The following APEX2 variants were observed in gnomAD, a reference collection of about 807,000 sequenced individuals.
APEX2 encodes apurinic/apyrimidinic endodeoxyribonuclease 2, also known as DNA-(apurinic or apyrimidinic site) endonuclease 2.
Under a neutral mutation model 16.7 loss-of-function variants are expected in APEX2, and 4 were observed. The observed-to-expected ratio is 0.24, with a 90% CI of 0.12 to 0.55. The LOEUF is 0.55. APEX2 is among the 20% of genes least tolerant of loss of function. The probability of loss-of-function intolerance (pLI) is 0.94; values close to 1 mark genes in which losing one functional copy is unlikely to be tolerated. For synonymous variants in APEX2, 181 were observed against 166.9 expected (o/e 1.08, Z -0.65); for missense variants, 357 against 433.6 (o/e 0.82, Z 1.57).
intron 4 of APEX2, among the ~76,000 whole-genome samples, chrX:55,003,396 A>G (rs1175042877): frequency 3.6e-5 from 4 of 112,542 alleles, no homozygotes; most frequent in African/African-American, 1.3e-4. Flanking sequence ...CCTACACAAT[A>G]GTTTTAAGGG....
Position 55,000,665 on chromosome X carries a change from A to G in APEX2, c.157+86A>G, listed in dbSNP as rs1054628637. ...CTGTCCCATGTAATTTTACTTTCCCAGTTTCCTATTCTTAGAGTCCTGTCC... is the reference window on the plus strand; with the variant it reads ...CTGTCCCATGTAATTTTACTTTCCCGGTTTCCTATTCTTAGAGTCCTGTCC... On this transcript the variant is annotated intron_variant, in intron 1 of 5. Transcript: ENST00000374987. The G allele has an allele frequency of 2.5e-5, 26 of 1,043,635 alleles. No homozygotes were observed. The African/African-American group carries it at 4.4e-4, about 18-fold the overall frequency. The allele number at this position is 1,043,635 out of a possible 1,213,427, so 86.0% of individuals were successfully genotyped here. A position where few individuals can be genotyped will look rare whatever the true frequency, so the allele number is the denominator to read the frequency against.
intron 3 of APEX2, 93 bp downstream of exon 3, chrX:55,002,524 C>T (rs751490697): frequency 2.3e-5 from 23 of 1,012,169 alleles, no homozygotes; most frequent in East Asian, 6.5e-5. Context: ...ATACATGCAC[C>T]GTGGAGAAGT....
At position 55,008,449 on chromosome X, in the gene APEX2, TA is replaced by T. The variant is rs1423568584; in HGVS notation, c.*1016del. ...AACTGGGCGTGGTGGCGCGTGCCTGTAATCCAAGCTACTTAGGAGGCTGAGA... is the reference window on the plus strand; with the variant it reads ...AACTGGGCGTGGTGGCGCGTGCCTGTATCCAAGCTACTTAGGAGGCTGAGA... On this transcript the variant is annotated 3_prime_UTR_variant, in exon 6 of 6. Transcript: ENST00000374987. The T allele has an allele frequency of 9.0e-6, 1 of 110,630 alleles. No homozygotes were observed. Among genetic ancestry groups the T allele is most frequent in the Non-Finnish European group, 1.9e-5 (1 of 52,958 alleles). 9.1% of individuals were successfully genotyped at this position (110,630 alleles called of 1,213,427 possible). A position where few individuals can be genotyped will look rare whatever the true frequency, so the allele number is the denominator to read the frequency against.
In APEX2 at chrX:55,001,531, AT is replaced by A. The variant is rs375803683; in HGVS notation, c.158-5del. On this transcript the variant is annotated splice_polypyrimidine_tract_variant and intron_variant, in intron 1 of 5. Coordinates refer to ENST00000374987, the MANE Select transcript of APEX2 (RefSeq NM_014481.4). ...AGTTTTACCTCTGACTTAATCTTAC[AT>A]TTTTTTTTTCCAGGGGATGCACTGA... 15,984 of 1,042,210 alleles carry A rather than the reference AT, an allele frequency of 0.015. 1,186 individuals are homozygous for A. In the African/African-American group the frequency reaches 0.24, roughly 16 times the overall value. The allele number at this position is 1,042,210 out of a possible 1,213,427, so 85.9% of individuals were successfully genotyped here.
chrX:55,002,572 C>A, intron 3 of APEX2, 141 bp downstream of exon 3: 1 of 748,474 alleles, frequency 1.3e-6, no homozygotes, highest in Non-Finnish European at 1.9e-6. Flanking sequence ...CCTGGCTGGG[C>A]TACTCAGTGT....
rs192095201 is a variant in APEX2 at position 55,003,124 on chromosome X, G to A, written c.569+16G>A. ...CGGCAGGCAGGTACTGCAAGCCTGG[G>A]CAGTAAGGCTTCCTTGAGTTGGTCC... On this transcript the variant is annotated intron_variant, in intron 4 of 5. Transcript: ENST00000374987. The A allele has an allele frequency of 1.7e-5, 21 of 1,207,993 alleles. No individual in the cohort carries two copies. The East Asian group carries it at 6.2e-4, about 36-fold the overall frequency.
rs777232963 is a variant in APEX2 at position 55,003,089 on chromosome X, G to A, written c.550G>A (p.Ala184Thr). The A allele has an allele frequency of 8.3e-7, 1 of 1,211,126 alleles. No individual in the cohort carries two copies. Among genetic ancestry groups the A allele is most frequent in the East Asian group, 3.0e-5 (1 of 33,808 alleles). ...FYRLLQIRAE[A>T]LLAAGSHVII... ...TCGTTTGCTGCAAATCCGAGCAGAA[G>A]CCCTCCTGGCGGCAGGCAGGTACTG... Residue 184 changes from alanine (A) to threonine (T), a missense_variant, in exon 4 of 6, where the codon GCC (alanine) becomes ACC (threonine). Ala to Thr is a moderately conservative substitution (Grantham distance 58, BLOSUM62 0). Coordinates refer to ENST00000374987, the MANE Select transcript of APEX2 (RefSeq NM_014481.4).
At chrX:55,001,803 T>C (rs1344847133) in intron 2 of APEX2, among the ~76,000 whole-genome samples, 174 bp downstream of exon 2, 1 of 112,160 alleles carries the variant, frequency 8.9e-6, no homozygotes, top group East Asian at 2.8e-4. Flanking sequence ...ATTATCCTAC[T>C]GGACCTCAGA....
intron 5 of APEX2, 32 bp downstream of exon 5, chrX:55,003,900 C>T: frequency 8.4e-7 from 1 of 1,183,704 alleles, no homozygotes. Flanking sequence ...TGGCCCCACT[C>T]CTGACTGATT....
rs1196673465 is a variant in APEX2 at position 55,002,353 on chromosome X, A to T, written c.344A>T (p.Asn115Ile). The change falls in exon 3 of 6, where the codon AAC becomes ATC. Residue 115 changes from asparagine to isoleucine, a missense_variant. Physicochemically the swap from Asn to Ile is moderately radical, Grantham distance 149. Coordinates refer to ENST00000374987, the MANE Select transcript of APEX2 (RefSeq NM_014481.4). ...TQNGDVGCYG[N>I]MDEFTQEELR... ...AATGGGGATGTTGGTTGCTATGGAA[A>T]CATGGATGAGTTTACCCAAGAGGAA... The T allele has an allele frequency of 1.7e-6, 2 of 1,211,527 alleles. No homozygotes were observed. Among genetic ancestry groups the T allele is most frequent in the African/African-American group, 3.5e-5 (2 of 57,894 alleles).
In APEX2 at chrX:55,007,169, G is replaced by T. The variant is rs1278576149; in HGVS notation, c.1291G>T (p.Ala431Ser). 1.6e-6 allele frequency: 2 copies of T among 1,212,125 alleles called. No homozygotes were observed. Among genetic ancestry groups the T allele is most frequent in the Non-Finnish European group, 2.2e-6 (2 of 895,606 alleles). ...LMTPKTPEEK[A>S]VAKVVKGQAK... The stretch of plus-strand genomic sequence containing the variant: ...GACCCCGAAGACTCCAGAAGAGAAG[G>T]CAGTGGCCAAAGTGGTGAAGGGGCA... Residue 431 changes from alanine (A) to serine (S), a missense_variant, in exon 6 of 6, where the codon GCA becomes TCA. By Grantham distance (99) the Ala-to-Ser change is moderately conservative. Coordinates refer to ENST00000374987, the MANE Select transcript of APEX2 (RefSeq NM_014481.4).
In APEX2 at chrX:55,008,671, T is replaced by G. The variant is rs779626885; in HGVS notation, c.*1236T>G. ...GATAATGGATTGAGGAAGACATCCATATCCCCTTATGGAAAATACCTCTTT... is the reference window on the plus strand; with the variant it reads ...GATAATGGATTGAGGAAGACATCCAGATCCCCTTATGGAAAATACCTCTTT... On this transcript the variant is annotated 3_prime_UTR_variant, in exon 6 of 6. Transcript: ENST00000374987. 1.1e-3 allele frequency: 129 copies of G among 114,864 alleles called. No homozygotes were observed. Among genetic ancestry groups the G allele is most frequent in the Admixed American group, 1.5e-3 (17 of 11,041 alleles). The allele number at this position is 114,864 out of a possible 1,213,427, so 9.5% of individuals were successfully genotyped here.
At position 55,007,598 on chromosome X, in the gene APEX2, G is replaced by T; in HGVS notation, c.*163G>T. On this transcript the variant is annotated 3_prime_UTR_variant, in exon 6 of 6. Transcript: ENST00000374987. ...CGCTTTCCTTCCTACCTAGCTCCTT[G>T]TTGGTGAGCTTCTTGTGCCTTAATC... 1 of 567,473 alleles carries T rather than the reference G, an allele frequency of 1.8e-6. No individual in the cohort carries two copies. Among genetic ancestry groups the T allele is most frequent in the Non-Finnish European group, 2.6e-6 (1 of 384,177 alleles). 46.8% of individuals were successfully genotyped at this position (567,473 alleles called of 1,213,427 possible). A position where few individuals can be genotyped will look rare whatever the true frequency, so the allele number is the denominator to read the frequency against.
At position 55,002,973 on chromosome X, in the gene APEX2, G is replaced by T. The variant is rs147394629; in HGVS notation, c.434G>T (p.Gly145Val). ...TCTCTTTTCTCCAGCACATGGGAAG[G>T]TAAGGAGAAGACCTTGACCCTAATC... ...LTQHKIRTWE[G>V]KEKTLTLINV... The change falls in exon 4 of 6, where the codon GGT (glycine) becomes GTT (valine). Residue 145 changes from glycine (G) to valine (V), a missense_variant. Coordinates refer to ENST00000374987, the MANE Select transcript of APEX2 (RefSeq NM_014481.4). 80 of 1,208,446 alleles carry T rather than the reference G, an allele frequency of 6.6e-5. No homozygotes were observed. Among genetic ancestry groups the T allele is most frequent in the Non-Finnish European group, 8.6e-5 (77 of 894,201 alleles).
chrX:55,001,468 A>C, intron 1 of APEX2, 78 bp from the exon 2 acceptor site: 2 of 805,871 alleles, frequency 2.5e-6, no homozygotes, highest in Non-Finnish European at 3.6e-6. Context: ...GAATTAGCCT[A>C]CAACTGTAAT....
Position 55,007,267 on chromosome X carries a change from C to G in APEX2, c.1389C>G (p.Pro463=), listed in dbSNP as rs760980740. The G allele has an allele frequency of 5.4e-5, 65 of 1,212,144 alleles. No individual in the cohort carries two copies. The highest frequency in any genetic ancestry group is 6.9e-5 in the Non-Finnish European group (62 of 895,552). ...TSFWKSVLAG[P]LRTPLCGGHR... ...TCTGGAAGTCTGTGCTGGCGGGGCC[C>G]TTGCGCACACCCCTCTGTGGGGGCC... The change falls in exon 6 of 6, where the codon CCC becomes CCG. Residue 463 remains proline (P), a synonymous_variant. Transcript: ENST00000374987.
chrX:55,006,124 T>G (rs1935494412), intron 5 of APEX2, among the ~76,000 whole-genome samples: 1 of 104,461 alleles, frequency 9.6e-6, no homozygotes, highest in Admixed American at 1.1e-4. Flanking sequence ...TGCCAGAGGG[T>G]TTAAAGGAAG....
chrX:55,003,893 C>G, intron 5 of APEX2, 25 bp downstream of exon 5: 1 of 1,195,329 alleles, frequency 8.4e-7, no homozygotes, highest in Non-Finnish European at 1.1e-6. Flanking sequence ...AGGTGCCTGG[C>G]CCCACTCCTG....
chrX:55,003,327 C>T lies in APEX2; in HGVS notation c.569+219C>T, dbSNP rs761661258. On this transcript the variant is annotated intron_variant, in intron 4 of 5. Coordinates refer to ENST00000374987, the MANE Select transcript of APEX2 (RefSeq NM_014481.4). ...GGCTCCTGCTCTTACTCATTGTGAG[C>T]CCTAGGGCTAGTCTTGCCTCTGTTT... 4.4e-4 allele frequency among the ~76,000 whole-genome samples: 50 copies of T among 112,908 alleles called. 2 individuals are homozygous for T. In the Middle Eastern group the frequency reaches 0.019, roughly 42 times the overall value.
Sources: gnomAD v4.1 joint callset for allele counts (sites outside exome capture counted in the v4.1 genomes callset) on GRCh38, gnomAD v4.1.1 for gene constraint, MANE v1.5 for transcripts, NCBI Gene and HGNC (gene_info 2026-07-23, HGNC 2026-07-21) for gene names.